GRM1: variants seen among roughly 807,000 people sequenced by gnomAD.
GRM1 encodes the protein glutamate metabotropic receptor 1.
A neutral mutation model predicts 90.9 loss-of-function variants in GRM1; 33 were observed. The ratio of observed to expected loss-of-function variants is 0.36; its 90% CI spans 0.28 to 0.49. GRM1 has a LOEUF of 0.49. Ranked by LOEUF, GRM1 falls within the 20% of genes least tolerant of loss-of-function variation. The pLI, the probability that GRM1 is intolerant of heterozygous loss-of-function variation, is 0.99. For missense variants in GRM1, 1,190 were observed against 1,534.3 expected (o/e 0.78, Z 3.75); for synonymous variants, 700 against 613.2 (o/e 1.14, Z -2.09).
At chr6:146,080,972 T>A (rs1776346986) in intron 1 of GRM1, among the ~76,000 whole-genome samples, 1 of 152,020 alleles carries the variant, frequency 6.6e-6, no homozygotes, top group Admixed American at 6.6e-5. Context: ...CCAAGGGGGA[T>A]GTGGGAATGG....
At chr6:146,257,452 T>C (rs1054346034) in intron 2 of GRM1, among the ~76,000 whole-genome samples, 1 of 152,044 alleles carries the variant, frequency 6.6e-6, no homozygotes, top group Non-Finnish European at 1.5e-5. Context: ...AAAACAAAAC[T>C]AGTAGAACAC....
In GRM1 at chr6:146,058,715, A is replaced by G. The variant is rs138441946; in HGVS notation, c.700+28498A>G. 2.0e-3 allele frequency among the ~76,000 whole-genome samples: 306 copies of G among 152,244 alleles called. 1 individual carries two copies. The highest frequency in any genetic ancestry group is 7.1e-3 in the African/African-American group (293 of 41,558). On this transcript the variant is annotated intron_variant, in intron 1 of 7. Coordinates refer to ENST00000282753, the MANE Select transcript of GRM1 (RefSeq NM_001278064.2). ...ATATTAGAACTTGTTTCAAAATTGGAGTCAATCCTCTCAACCCTGCTGCTG... is the reference window on the plus strand; with the variant it reads ...ATATTAGAACTTGTTTCAAAATTGGGGTCAATCCTCTCAACCCTGCTGCTG...
chr6:146,334,296 C>A (rs916338470), intron 3 of GRM1, among the ~76,000 whole-genome samples: 7 of 152,194 alleles, frequency 4.6e-5, no homozygotes, highest in Admixed American at 2.0e-4. Flanking sequence ...ACTGCCTAGA[C>A]CCATCCTCTT....
At chr6:146,231,799 T>C (rs947703216) in intron 2 of GRM1, among the ~76,000 whole-genome samples, 1 of 152,104 alleles carries the variant, frequency 6.6e-6, no homozygotes, top group Non-Finnish European at 1.5e-5. Flanking sequence ...TTGTATATAT[T>C]ATTGGATTTT....
intron 1 of GRM1, among the ~76,000 whole-genome samples, chr6:146,096,957 A>T (rs942024602): frequency 1.4e-4 from 21 of 152,098 alleles, no homozygotes; most frequent in African/African-American, 4.3e-4. Flanking sequence ...TACTTTTTTT[A>T]AAAATTTTAT....
chr6:146,276,001 A>T (rs1011563329), intron 2 of GRM1, among the ~76,000 whole-genome samples: 1 of 152,116 alleles, frequency 6.6e-6, no homozygotes, highest in Non-Finnish European at 1.5e-5. Context: ...AGGCAGAGAG[A>T]GAGAGAGAGA....
chr6:146,160,342 T>C (rs985220922), intron 2 of GRM1, among the ~76,000 whole-genome samples: 1 of 152,236 alleles, frequency 6.6e-6, no homozygotes, highest in Admixed American at 6.5e-5. Flanking sequence ...GTTCTCTTTC[T>C]AAATCACGTG....
At chr6:146,097,690 A>G (rs1776918160) in intron 1 of GRM1, among the ~76,000 whole-genome samples, 1 of 152,208 alleles carries the variant, frequency 6.6e-6, no homozygotes, top group African/African-American at 2.4e-5. Flanking sequence ...AAGATCCTTG[A>G]GCATATCTAC....
intron 2 of GRM1, among the ~76,000 whole-genome samples, chr6:146,200,013 T>A (rs898314600): frequency 6.6e-6 from 1 of 152,134 alleles, no homozygotes; most frequent in African/African-American, 2.4e-5. Flanking sequence ...CAGCAAACTT[T>A]GAGGTTTCAG....
intron 1 of GRM1, among the ~76,000 whole-genome samples, chr6:146,101,161 C>T (rs147441337): frequency 7.8e-4 from 118 of 152,230 alleles, no homozygotes; most frequent in African/African-American, 2.7e-3. Context: ...CTATATATTT[C>T]ATTTTTCTGA....
At chr6:146,070,066 G>T (rs1253723659) in intron 1 of GRM1, among the ~76,000 whole-genome samples, 1 of 152,098 alleles carries the variant, frequency 6.6e-6, no homozygotes, top group East Asian at 1.9e-4. Flanking sequence ...TTTGGCTTTG[G>T]AGAAACCAAA....
chr6:146,294,189 C>T (rs1191769276), intron 2 of GRM1, among the ~76,000 whole-genome samples: 1 of 151,624 alleles, frequency 6.6e-6, no homozygotes. Context: ...TTCAGCTTTT[C>T]TCTTTTTTAA....
chr6:146,280,802 A>G (rs1242861996), intron 2 of GRM1, among the ~76,000 whole-genome samples: 1 of 151,014 alleles, frequency 6.6e-6, no homozygotes, highest in Non-Finnish European at 1.5e-5. Context: ...TTTTTCTTTC[A>G]TTTTTTGTAG....
chr6:146,035,503 A>G (rs1048821334), intron 1 of GRM1, among the ~76,000 whole-genome samples: 1 of 152,044 alleles, frequency 6.6e-6, no homozygotes, highest in African/African-American at 2.4e-5. Flanking sequence ...TGTCTACTTT[A>G]TACTTGAGAG....
intron 5 of GRM1, among the ~76,000 whole-genome samples, chr6:146,364,534 G>A (rs550493635): frequency 6.6e-6 from 1 of 152,232 alleles, no homozygotes; most frequent in African/African-American, 2.4e-5. Flanking sequence ...GCCTACTAAC[G>A]TGGATTATCT....
At chr6:146,410,612 G>C (rs559162682) in intron 7 of GRM1, among the ~76,000 whole-genome samples, 1 of 152,212 alleles carries the variant, frequency 6.6e-6, no homozygotes, top group Non-Finnish European at 1.5e-5. Context: ...CTCTAGTAAA[G>C]GCCTTGGAGG....
At chr6:146,078,818 G>A (rs542678501) in intron 1 of GRM1, among the ~76,000 whole-genome samples, 2 of 152,258 alleles carry the variant, frequency 1.3e-5, no homozygotes, top group African/African-American at 4.8e-5. Context: ...TCCTCTCTCT[G>A]TAAATAGGCT....
In GRM1 at chr6:146,362,551, C is replaced by T. The variant is rs1032131961; in HGVS notation, c.1602+4857C>T. Among the ~76,000 whole-genome samples, 13 of 148,334 alleles carry T rather than the reference C, an allele frequency of 8.8e-5. No individual in the cohort carries two copies. The East Asian group carries it at 9.9e-4, about 11-fold the overall frequency. On this transcript the variant is annotated intron_variant, in intron 5 of 7. Transcript: ENST00000282753. ...AAAGTTAGCCAGGTGTGGTGGCAGG[C>T]GCCTGTAATCACAGCTACTCAGGAG... is the stretch of plus-strand genomic sequence containing the variant.
intron 1 of GRM1, among the ~76,000 whole-genome samples, chr6:146,133,026 T>A (rs1327800761): frequency 6.6e-6 from 1 of 152,218 alleles, no homozygotes; most frequent in Non-Finnish European, 1.5e-5. Context: ...GACTAAAGAG[T>A]GGCTTACCTG....
Sources: allele counts gnomAD v4.1 joint callset (sites outside exome capture counted in the v4.1 genomes callset), GRCh38; gene constraint gnomAD v4.1.1; transcripts MANE v1.5; gene names NCBI Gene and HGNC (gene_info 2026-07-23, HGNC 2026-07-21).